KALRN: variants seen among roughly 807,000 people sequenced by gnomAD.
KALRN encodes the protein kalirin.
A neutral mutation model predicts 353.7 loss-of-function variants in KALRN; 70 were observed. The ratio of observed to expected loss-of-function variants is 0.20; its 90% CI spans 0.16 to 0.24. KALRN has a LOEUF of 0.24. Ranked by LOEUF, KALRN falls within the 10% of genes least tolerant of loss-of-function variation. KALRN has a pLI of 1.00. For missense variants in KALRN, 2,791 were observed against 3,756.7 expected (o/e 0.74, Z 6.72); for synonymous variants, 1,391 against 1,434.8 (o/e 0.97, Z 0.69).
At chr3:124,082,388 G>C (rs1274018826) in intron 1 of KALRN, 1 of 451,160 alleles carries the variant, frequency 2.2e-6, no homozygotes, top group East Asian at 7.0e-5. Context: ...GCTATGGAAG[G>C]CTCTGGCAAA....
intron 10 of KALRN, among the ~76,000 whole-genome samples, chr3:124,350,142 T>C (rs1399311755): frequency 6.6e-6 from 1 of 152,190 alleles, no homozygotes; most frequent in African/African-American, 2.4e-5. Context: ...CATGTTTTGG[T>C]TATAGGCCGC....
At chr3:124,419,050 C>T (rs771261424) in intron 14 of KALRN, among the ~76,000 whole-genome samples, 7 of 150,866 alleles carry the variant, frequency 4.6e-5, no homozygotes, top group Non-Finnish European at 8.8e-5. Flanking sequence ...CCAGCCTGGG[C>T]GACACAGCGA....
In KALRN at chr3:124,663,560, T is replaced by G. The variant is rs570352732; in HGVS notation, c.6345+1632T>G. 4.6e-5 allele frequency among the ~76,000 whole-genome samples: 7 copies of G among 152,274 alleles called. No individual in the cohort carries two copies. In the South Asian group the frequency reaches 1.2e-3, roughly 27 times the overall value. On this transcript the variant is annotated intron_variant, in intron 45 of 59. Transcript: ENST00000682506. ...AACCACACACAATATGTTTTTAAGA[T>G]TAATATGATAAAATTGGAACTGACA... is the stretch of plus-strand genomic sequence containing the variant.
At chr3:124,439,138 TC>T in intron 18 of KALRN, 101 bp downstream of exon 18, 1 of 1,174,228 alleles carries the variant, frequency 8.5e-7, no homozygotes, top group Non-Finnish European at 1.2e-6. Context: ...TCTTTCTCTC[TC>T]TTTCTCTTTC....
At chr3:124,333,128 T>G (rs1396694818) in intron 8 of KALRN, among the ~76,000 whole-genome samples, 1 of 152,088 alleles carries the variant, frequency 6.6e-6, no homozygotes, top group Non-Finnish European at 1.5e-5. Context: ...TCAGATCTCA[T>G]GAGATTTATT....
intron 5 of KALRN, among the ~76,000 whole-genome samples, chr3:124,295,781 G>T (rs2076798154): frequency 1.3e-5 from 2 of 152,124 alleles, no homozygotes; most frequent in African/African-American, 4.8e-5. Context: ...TTAAAATAGG[G>T]CTGGGAGGCA....
chr3:124,155,597 C>T (rs2068859055), intron 1 of KALRN, among the ~76,000 whole-genome samples: 1 of 152,182 alleles, frequency 6.6e-6, no homozygotes, highest in Non-Finnish European at 1.5e-5. Flanking sequence ...AGACAGTTCA[C>T]AAACAAGACA....
chr3:124,389,768 A>C (rs2089039984), intron 11 of KALRN, among the ~76,000 whole-genome samples: 1 of 152,268 alleles, frequency 6.6e-6, no homozygotes, highest in Admixed American at 6.5e-5. Flanking sequence ...AATAAGGACC[A>C]GAAGTAATAT....
At chr3:124,273,430 T>G (rs1041839330) in intron 5 of KALRN, among the ~76,000 whole-genome samples, 3 of 152,232 alleles carry the variant, frequency 2.0e-5, no homozygotes, top group Non-Finnish European at 4.4e-5. Flanking sequence ...GCACATAAGC[T>G]CCTGTGTATT....
At chr3:124,297,594 AAG>A (rs1244779306) in intron 5 of KALRN, among the ~76,000 whole-genome samples, 3 of 152,188 alleles carry the variant, frequency 2.0e-5, no homozygotes, top group Non-Finnish European at 2.9e-5. Context: ...CCCCTTGGGG[AAG>A]AGAAACTGTA....
chr3:124,706,267 A>G (rs2062609196), intron 57 of KALRN, among the ~76,000 whole-genome samples: 1 of 152,150 alleles, frequency 6.6e-6, no homozygotes, highest in Admixed American at 6.5e-5. Context: ...GACACCAGGC[A>G]CAGTTGAAGG....
intron 10 of KALRN, among the ~76,000 whole-genome samples, chr3:124,368,390 C>A (rs1479946092): frequency 7.1e-6 from 1 of 141,356 alleles, no homozygotes; most frequent in African/African-American, 2.7e-5. Context: ...GACGGGGTCG[C>A]GGCCGGGCAG....
intron 45 of KALRN, among the ~76,000 whole-genome samples, chr3:124,663,903 C>T (rs1280465975): frequency 6.6e-6 from 1 of 152,204 alleles, no homozygotes; most frequent in East Asian, 1.9e-4. Flanking sequence ...AAATTCTCTT[C>T]TCCTCCTTGC....
intron 13 of KALRN, chr3:124,407,774 C>G (rs2091729041): frequency 6.6e-6 from 1 of 152,186 alleles, no homozygotes; most frequent in Non-Finnish European, 1.5e-5. Context: ...GTGAAGCATT[C>G]CATAAATTTT....
intron 47 of KALRN, among the ~76,000 whole-genome samples, chr3:124,667,403 A>T (rs1405099032): frequency 6.6e-6 from 1 of 152,244 alleles, no homozygotes; most frequent in African/African-American, 2.4e-5. Flanking sequence ...CTGATAGAAG[A>T]GATTTCACTT....
intron 1 of KALRN, chr3:124,152,181 A>G: frequency 6.5e-7 from 1 of 1,543,302 alleles, no homozygotes; most frequent in Non-Finnish European, 8.8e-7. Flanking sequence ...TCAAAGTGTT[A>G]TCTGTCAAAG....
chr3:124,202,280 T>C (rs2076007919), intron 1 of KALRN, among the ~76,000 whole-genome samples: 1 of 152,342 alleles, frequency 6.6e-6, no homozygotes, highest in South Asian at 2.1e-4. Context: ...AGACTGGGTC[T>C]CACTGTGTCA....
intron 1 of KALRN, among the ~76,000 whole-genome samples, chr3:124,055,528 T>C (rs1457742053): frequency 6.6e-6 from 1 of 152,240 alleles, no homozygotes; most frequent in Non-Finnish European, 1.5e-5. Context: ...AGACATATTT[T>C]CAGACCACCT....
chr3:124,146,111 A>G (rs2067291657), intron 1 of KALRN, among the ~76,000 whole-genome samples: 2 of 152,158 alleles, frequency 1.3e-5, no homozygotes, highest in Non-Finnish European at 2.9e-5. Flanking sequence ...GGCAATTAAA[A>G]CCAATATCCA....
Sources: allele counts gnomAD v4.1 joint callset (sites outside exome capture counted in the v4.1 genomes callset), GRCh38; gene constraint gnomAD v4.1.1; transcripts MANE v1.5; gene names NCBI Gene and HGNC (gene_info 2026-07-23, HGNC 2026-07-21).